PRKRIP1: variants seen among roughly 807,000 people sequenced by gnomAD.
PRKRIP1 encodes PRKR interacting protein 1.
In PRKRIP1, 29 loss-of-function variants were observed where a neutral mutation model predicts 29.3. That is an observed-to-expected ratio of 0.99 (90% CI 0.74 to 1.35). The LOEUF (loss-of-function observed/expected upper bound fraction) is 1.35. Among genes scored for constraint, PRKRIP1 ranks in the 40% most tolerant of loss-of-function variants. The pLI, the probability that PRKRIP1 is intolerant of heterozygous loss-of-function variation, is 0.00. For synonymous variants in PRKRIP1, 90 were observed against 85.1 expected, an observed-to-expected ratio of 1.06 and a Z score of -0.32; for missense variants, 247 against 236.8, an observed-to-expected ratio of 1.04 and a Z score of -0.28.
intron 5 of PRKRIP1, chr7:102,422,873 C>T (rs2133206453): frequency 3.7e-6 from 1 of 271,460 alleles, no homozygotes; most frequent in East Asian, 9.3e-5. Flanking sequence ...TGGGTCACAT[C>T]CCCAAGATAT....
Position 102,399,578 on chromosome 7 carries a change from T to G in PRKRIP1, c.236T>G (p.Phe79Cys). 2.5e-6 allele frequency: 4 copies of G among 1,614,148 alleles called. No individual in the cohort carries two copies. Among genetic ancestry groups the G allele is most frequent in the Non-Finnish European group, 3.4e-6 (4 of 1,180,032 alleles). Residue 79 changes from phenylalanine (F) to cysteine (C), a missense_variant, in exon 3 of 6, where the codon TTC becomes TGC. This residue lies in a region of PRKRIP1 where 8 missense variants were observed against 29.9 expected (regional missense o/e 0.27). Coordinates refer to ENST00000397912, the MANE Select transcript of PRKRIP1 (RefSeq NM_024653.4). ...AGTGCTGGGGCCGGCAGTGGAGAGT[T>G]CCACGTGTACAGACATCTGCGCCGG... ...GSSAGAGSGE[F>C]HVYRHLRRRE...
Position 102,399,579 on chromosome 7 carries a change from C to T in PRKRIP1, c.237C>T (p.Phe79=). ...GTGCTGGGGCCGGCAGTGGAGAGTTCCACGTGTACAGACATCTGCGCCGGA... is the reference window on the plus strand; with the variant it reads ...GTGCTGGGGCCGGCAGTGGAGAGTTTCACGTGTACAGACATCTGCGCCGGA... ...GSSAGAGSGE[F]HVYRHLRRRE... Residue 79 remains phenylalanine, a synonymous_variant, in exon 3 of 6, where the codon TTC becomes TTT. Transcript: ENST00000397912. 1.2e-6 allele frequency: 2 copies of T among 1,614,114 alleles called. No individual in the cohort carries two copies. The highest frequency in any genetic ancestry group is 1.7e-6 in the Non-Finnish European group (2 of 1,180,004).
At chr7:102,403,863 C>A (rs1232940135) in intron 3 of PRKRIP1, among the ~76,000 whole-genome samples, 1 of 152,146 alleles carries the variant, frequency 6.6e-6, no homozygotes. Flanking sequence ...GCGTGTGTTA[C>A]GCTGCTTTAG....
At chr7:102,404,494 C>A in intron 3 of PRKRIP1, 104 bp from the exon 4 acceptor site, 1 of 872,848 alleles carries the variant, frequency 1.1e-6, no homozygotes, top group Non-Finnish European at 1.8e-6. Context: ...GCCTCCGTCA[C>A]CCCCAGTGGT....
At chr7:102,423,300 A>C (rs1796747278) in intron 5 of PRKRIP1, 2 of 398,566 alleles carry the variant, frequency 5.0e-6, no homozygotes, top group African/African-American at 4.2e-5. Flanking sequence ...TTTCTAGTAG[A>C]GATGAGGTTT....
intron 5 of PRKRIP1, among the ~76,000 whole-genome samples, chr7:102,421,435 C>G (rs1488905048): frequency 6.6e-6 from 1 of 151,938 alleles, no homozygotes; most frequent in Non-Finnish European, 1.5e-5. Flanking sequence ...GTCTCAGCTA[C>G]TCAGGAGGCT....
intron 3 of PRKRIP1, 62 bp downstream of exon 3, chr7:102,399,710 A>G: frequency 1.5e-6 from 2 of 1,360,696 alleles, no homozygotes; most frequent in Non-Finnish European, 2.1e-6. Flanking sequence ...TACTTTCTTT[A>G]GAAAAAAGCA....
rs558388033 is a variant in PRKRIP1 at position 102,417,389 on chromosome 7, A to G, written c.458-7625A>G. On this transcript the variant is annotated intron_variant, in intron 5 of 5. Transcript: ENST00000397912. The stretch of plus-strand genomic sequence containing the variant: ...TCCTCCCTGACAGTGGAGAATCTAC[A>G]TGCGTCATTGAAGTCATTCTGCATG... 5.3e-5 allele frequency among the ~76,000 whole-genome samples: 8 copies of G among 152,262 alleles called. No individual in the cohort carries two copies. The South Asian group carries it at 1.7e-3, about 32-fold the overall frequency.
intron 3 of PRKRIP1, among the ~76,000 whole-genome samples, chr7:102,403,227 T>C (rs1000917457): frequency 1.7e-4 from 26 of 152,332 alleles, no homozygotes; most frequent in African/African-American, 6.3e-4. Context: ...AGTCATTTGC[T>C]TTTTGGTTGT....
chr7:102,424,352 G>T (rs1011193614), intron 5 of PRKRIP1, among the ~76,000 whole-genome samples: 2 of 152,280 alleles, frequency 1.3e-5, no homozygotes, highest in African/African-American at 4.8e-5. Context: ...GCATGGCTGA[G>T]CCGGGCCATC....
intron 5 of PRKRIP1, among the ~76,000 whole-genome samples, chr7:102,422,126 CTG>C (rs1796708780): frequency 6.7e-6 from 1 of 149,378 alleles, no homozygotes. Context: ...TTGTACACAA[CTG>C]TGTTTCATAC....
At chr7:102,407,302 AT>A (rs1796258046) in intron 4 of PRKRIP1, 131 bp from the exon 5 acceptor site, 2 of 609,988 alleles carry the variant, frequency 3.3e-6, no homozygotes, top group Non-Finnish European at 5.9e-6. Context: ...CTCACCTAAT[AT>A]TTTTCTTATT....
At position 102,415,283 on chromosome 7, in the gene PRKRIP1, T is replaced by C. The variant is rs782815495; in HGVS notation, c.457+7785T>C. On this transcript the variant is annotated intron_variant, in intron 5 of 5. Coordinates refer to ENST00000397912, the MANE Select transcript of PRKRIP1 (RefSeq NM_024653.4). ...ATGGAGTCTTGCTCCATCACTCATG[T>C]TGGAGTGCAGTGGCGCCAGCTCAGC... Among the ~76,000 whole-genome samples the C allele has an allele frequency of 2.0e-5, 3 of 152,338 alleles. No homozygotes were observed. The South Asian group carries it at 6.2e-4, about 32-fold the overall frequency.
In PRKRIP1 at chr7:102,425,298, T is replaced by C; in HGVS notation, c.*187T>C. 1 of 1,236,998 alleles carries C rather than the reference T, an allele frequency of 8.1e-7. No individual in the cohort carries two copies. The allele number at this position is 1,236,998 out of a possible 1,614,324, so 76.6% of individuals were successfully genotyped here. On this transcript the variant is annotated 3_prime_UTR_variant, in exon 6 of 6. Coordinates refer to ENST00000397912, the MANE Select transcript of PRKRIP1 (RefSeq NM_024653.4). ...TTGGGAGCCTGAGGGGCCATCTCCC[T>C]GACACTCAGAGGCACTGCCTTGCAG...
intron 5 of PRKRIP1, among the ~76,000 whole-genome samples, chr7:102,416,177 G>T (rs1327657467): frequency 6.6e-6 from 1 of 152,206 alleles, no homozygotes; most frequent in Non-Finnish European, 1.5e-5. Context: ...CAGATAAGGT[G>T]CTTGTCCATT....
At chr7:102,402,535 G>A (rs1768508012) in intron 3 of PRKRIP1, among the ~76,000 whole-genome samples, 1 of 152,116 alleles carries the variant, frequency 6.6e-6, no homozygotes, top group Non-Finnish European at 1.5e-5. Context: ...TTTTAGAGGG[G>A]AGGACATAGA....
chr7:102,423,072 C>T (rs571853695), intron 5 of PRKRIP1: 29 of 440,206 alleles, frequency 6.6e-5, no homozygotes, highest in Non-Finnish European at 1.1e-4. Context: ...TCCAGCTCAA[C>T]GAGTATTGTA....
chr7:102,397,094 G>A (rs1171889159), intron 1 of PRKRIP1, among the ~76,000 whole-genome samples: 1 of 152,222 alleles, frequency 6.6e-6, no homozygotes, highest in Non-Finnish European at 1.5e-5. Context: ...GTTCTGCTCT[G>A]GAAAGCGTAG....
chr7:102,403,386 C>T (rs903824621), intron 3 of PRKRIP1, among the ~76,000 whole-genome samples: 7 of 152,182 alleles, frequency 4.6e-5, no homozygotes, highest in African/African-American at 1.7e-4. Context: ...GTTGAAGGCA[C>T]CTCTTCCTCC....
Sources: allele counts gnomAD v4.1 joint callset (sites outside exome capture counted in the v4.1 genomes callset), GRCh38; gene constraint gnomAD v4.1.1; regional missense constraint gnomAD v4.1.1; transcripts MANE v1.5; gene names NCBI Gene and HGNC (gene_info 2026-07-23, HGNC 2026-07-21).